The following FOXP1 variants were observed in gnomAD, a reference collection of about 807,000 sequenced individuals.
FOXP1 encodes the protein forkhead box P1, also known as forkhead box protein P1.
FOXP1 carries 15 observed loss-of-function variants against 98.2 expected under a neutral mutation model. That is an observed-to-expected ratio of 0.15 (90% CI 0.10 to 0.24). The LOEUF is 0.24. FOXP1 is among the 10% of genes least tolerant of loss of function. FOXP1 has a pLI of 1.00. For missense variants in FOXP1, 633 were observed against 848.5 expected (o/e 0.75, Z 3.15); for synonymous variants, 371 against 314.5 (o/e 1.18, Z -1.90).
At chr3:71,421,564 A>AT (rs1487396899) in intron 3 of FOXP1, among the ~76,000 whole-genome samples, 1 of 152,202 alleles carries the variant, frequency 6.6e-6, no homozygotes, top group Non-Finnish European at 1.5e-5. Flanking sequence ...AGGACAATAA[A>AT]TGGCAGGGCA....
intron 4 of FOXP1, among the ~76,000 whole-genome samples, chr3:71,357,717 A>G (rs1428273123): frequency 6.6e-6 from 1 of 152,214 alleles, no homozygotes; most frequent in Non-Finnish European, 1.5e-5. Flanking sequence ...TTTGTCTTGG[A>G]TGTAGAGGCA....
intron 7 of FOXP1, among the ~76,000 whole-genome samples, chr3:71,058,465 AT>A (rs2107221813): frequency 6.6e-6 from 1 of 152,296 alleles, no homozygotes; most frequent in South Asian, 2.1e-4. Flanking sequence ...TTCAGGCTGT[AT>A]TTGGGTGATA....
chr3:71,173,123 A>G (rs1472637390), intron 6 of FOXP1, among the ~76,000 whole-genome samples: 1 of 151,918 alleles, frequency 6.6e-6, no homozygotes, highest in African/African-American at 2.4e-5. Context: ...TTTTTTCCCT[A>G]TTGGTCCAGA....
chr3:71,472,659 A>T (rs1384868503), intron 3 of FOXP1, among the ~76,000 whole-genome samples: 1 of 152,182 alleles, frequency 6.6e-6, no homozygotes, highest in Non-Finnish European at 1.5e-5. Flanking sequence ...AATAAAGAGA[A>T]TCCAAGCTCC....
chr3:71,102,615 C>T (rs1299131382), intron 7 of FOXP1, among the ~76,000 whole-genome samples: 3 of 152,176 alleles, frequency 2.0e-5, no homozygotes, highest in Admixed American at 6.5e-5. Flanking sequence ...CTTTCCCAAG[C>T]GTCATTTCCC....
Position 70,988,192 on chromosome 3 carries a change from T to C in FOXP1, c.1063-115A>G, listed in dbSNP as rs1316546082. 3 of 962,788 alleles carry C rather than the reference T, an allele frequency of 3.1e-6. No individual in the cohort carries two copies. In the Admixed American group the frequency reaches 5.4e-5, roughly 17 times the overall value. The allele number at this position is 962,788 out of a possible 1,614,324, so 59.6% of individuals were successfully genotyped here. A position where few individuals can be genotyped will look rare whatever the true frequency, so the allele number is the denominator to read the frequency against. On this transcript the variant is annotated intron_variant, in intron 13 of 20. Coordinates refer to ENST00000649528, the MANE Select transcript of FOXP1 (RefSeq NM_001349338.3). ...GGCACCACAGCACATGATAAAATCA[T>C]TTTCATTGCTTGTTTTTGAAATCTA...
At chr3:71,041,686 C>G (rs1031154584) in intron 10 of FOXP1, among the ~76,000 whole-genome samples, 154 bp from the exon 11 acceptor site, 1 of 151,950 alleles carries the variant, frequency 6.6e-6, no homozygotes, top group African/African-American at 2.4e-5. Context: ...ACGGCAGATG[C>G]GGTAGTAAAA....
intron 2 of FOXP1, among the ~76,000 whole-genome samples, chr3:71,541,615 C>G (rs1161762392): frequency 6.6e-6 from 1 of 151,872 alleles, no homozygotes; most frequent in Non-Finnish European, 1.5e-5. Context: ...CAAAATGTCA[C>G]AGAAACAAAT....
At chr3:71,413,780 A>G (rs1450526673) in intron 3 of FOXP1, among the ~76,000 whole-genome samples, 1 of 152,154 alleles carries the variant, frequency 6.6e-6, no homozygotes, top group African/African-American at 2.4e-5. Context: ...GTGTGCTTAC[A>G]TACCTAGAAA....
intron 20 of FOXP1, among the ~76,000 whole-genome samples, chr3:70,960,928 G>A (rs762709288): frequency 2.8e-4 from 40 of 142,536 alleles, no homozygotes; most frequent in Non-Finnish European, 3.5e-4. Context: ...TGCAAGCTCC[G>A]CCTCCCGGGT....
At chr3:71,340,550 A>G (rs945574240) in intron 4 of FOXP1, among the ~76,000 whole-genome samples, 1 of 152,240 alleles carries the variant, frequency 6.6e-6, no homozygotes, top group African/African-American at 2.4e-5. Context: ...AAAAAAAATA[A>G]AAAGCATATT....
intron 6 of FOXP1, among the ~76,000 whole-genome samples, chr3:71,132,681 C>T (rs1022200836): frequency 1.3e-5 from 2 of 152,084 alleles, no homozygotes; most frequent in Admixed American, 6.5e-5. Context: ...AAAATTAGTG[C>T]CCCTCTTTTT....
intron 3 of FOXP1, among the ~76,000 whole-genome samples, chr3:71,483,965 C>T (rs913801618): frequency 3.3e-5 from 5 of 152,172 alleles, no homozygotes; most frequent in African/African-American, 1.2e-4. Context: ...GAAGCACAGA[C>T]ACCCACCTAT....
At chr3:70,970,497 AAATATT>A (rs1163213479) in intron 19 of FOXP1, 2 of 522,498 alleles carry the variant, frequency 3.8e-6, no homozygotes, top group Admixed American at 3.2e-5. Context: ...TACTGCTGAT[AAATATT>A]AATAAGTGAA....
At chr3:71,259,520 C>G in intron 5 of FOXP1, among the ~76,000 whole-genome samples, 1 of 152,162 alleles carries the variant, frequency 6.6e-6, no homozygotes, top group East Asian at 1.9e-4. Context: ...TCCCAAATGA[C>G]TCACTTCCTA....
intron 2 of FOXP1, among the ~76,000 whole-genome samples, chr3:71,549,203 C>T (rs1229274296): frequency 6.6e-6 from 1 of 152,154 alleles, no homozygotes; most frequent in African/African-American, 2.4e-5. Flanking sequence ...ACATACTGAG[C>T]ATACACCACT....
chr3:71,530,364 C>T (rs1490383488), intron 2 of FOXP1, among the ~76,000 whole-genome samples: 1 of 152,080 alleles, frequency 6.6e-6, no homozygotes, highest in East Asian at 1.9e-4. Flanking sequence ...AAAAGGCCCT[C>T]GACAGGTGCA....
At chr3:71,337,631 G>GC (rs1194093923) in intron 4 of FOXP1, among the ~76,000 whole-genome samples, 5 of 152,130 alleles carry the variant, frequency 3.3e-5, no homozygotes, top group Non-Finnish European at 7.3e-5. Context: ...CCAGAAGATT[G>GC]ATCAATGATA....
chr3:71,198,251 A>G lies in FOXP1; in HGVS notation c.131T>C (p.Val44Ala), dbSNP rs2108380796. 6.2e-7 allele frequency: 1 copy of G among 1,614,152 alleles called. No individual in the cohort carries two copies. Among genetic ancestry groups the G allele is most frequent in the Non-Finnish European group, 8.5e-7 (1 of 1,180,044 alleles). Residue 44 changes from valine (V) to alanine (A), a missense_variant, in exon 6 of 21, where the codon GTG becomes GCG. Around this residue, in one of 6 missense-constraint regions of FOXP1, gnomAD observed 103 missense variants for 85.5 expected, o/e 1.20. Coordinates refer to ENST00000649528, the MANE Select transcript of FOXP1 (RefSeq NM_001349338.3). ...GGCGAGGTCAGCTGCCCCGATGTCC[A>G]CGGCCGGCGTCTCTCCGTTGGACCG... ...EGRSNGETPAVDIGAADLAHA... is the reference protein window; with the variant it reads ...EGRSNGETPAADIGAADLAHA...
Sources: allele counts gnomAD v4.1 joint callset (sites outside exome capture counted in the v4.1 genomes callset), GRCh38; gene constraint gnomAD v4.1.1; regional missense constraint gnomAD v4.1.1; transcripts MANE v1.5; gene names NCBI Gene and HGNC (gene_info 2026-07-23, HGNC 2026-07-21).